Variants in GDA observed in about 807,000 individuals in gnomAD.
The protein encoded by GDA is guanine deaminase.
In GDA, 18 loss-of-function variants were observed where a neutral mutation model predicts 59.6. The ratio of observed to expected loss-of-function variants is 0.30; its 90% confidence interval spans 0.21 to 0.45. GDA has a LOEUF of 0.45. Among genes scored for constraint, GDA ranks in the 20% least tolerant of loss-of-function variants. GDA has a pLI of 1.00. For missense variants in GDA, 427 were observed against 552.3 expected, an observed-to-expected ratio of 0.77 and a Z score of 2.27; for synonymous variants, 201 against 201.1, an observed-to-expected ratio of 1.00 and a Z score of 0.00.
chr9:72,209,801 T>C (rs1201549649), intron 3 of GDA, among the ~76,000 whole-genome samples: 1 of 152,198 alleles, frequency 6.6e-6, no homozygotes, highest in Non-Finnish European at 1.5e-5. Context: ...GACATCTTTC[T>C]TTTAGAGCCA....
chr9:72,138,080 C>T (rs564302227), intron 1 of GDA, among the ~76,000 whole-genome samples: 12 of 152,204 alleles, frequency 7.9e-5, no homozygotes, highest in Admixed American at 2.6e-4. Context: ...ATACATCTGT[C>T]TGCAGCTGCA....
In GDA at chr9:72,170,128, G is replaced by A. The variant is rs558430596; in HGVS notation, c.123+20446G>A. On this transcript the variant is annotated intron_variant, in intron 1 of 13. Transcript: ENST00000358399. The stretch of plus-strand genomic sequence containing the variant: ...CAAAGAAGATCATTTTCTGGTTGCC[G>A]TAAAAATACAACAGTAAAGTTGAAT... Among the ~76,000 whole-genome samples, 19 of 152,266 alleles carry A rather than the reference G, an allele frequency of 1.2e-4. No individual in the cohort carries two copies. The South Asian group carries it at 3.3e-3, about 27-fold the overall frequency.
chr9:72,234,306 G>A (rs1838711195), intron 10 of GDA, among the ~76,000 whole-genome samples: 1 of 152,160 alleles, frequency 6.6e-6, no homozygotes, highest in South Asian at 2.1e-4. Flanking sequence ...TTGCTGGGGT[G>A]ATGGAAATGT....
chr9:72,230,988 T>A (rs1214789026), intron 9 of GDA, 126 bp from the exon 10 acceptor site: 1 of 709,024 alleles, frequency 1.4e-6, no homozygotes, highest in Non-Finnish European at 2.6e-6. Context: ...AATATGTTTG[T>A]GTCAACATTA....
chr9:72,176,384 A>G (rs1167914193), intron 1 of GDA, among the ~76,000 whole-genome samples: 3 of 152,206 alleles, frequency 2.0e-5, no homozygotes, highest in Non-Finnish European at 4.4e-5. Flanking sequence ...CAAGCAAGTC[A>G]CTATGTTTGG....
At chr9:72,139,672 C>T (rs1415405664) in intron 1 of GDA, among the ~76,000 whole-genome samples, 5 of 151,746 alleles carry the variant, frequency 3.3e-5, no homozygotes, top group African/African-American at 1.2e-4. Context: ...AAAAAAAATG[C>T]TCCATTATTC....
At chr9:72,210,826 C>T (rs769012935) in intron 4 of GDA, 52 bp downstream of exon 4, 1 of 1,108,786 alleles carries the variant, frequency 9.0e-7, no homozygotes, top group Non-Finnish European at 1.4e-6. Context: ...ACAGCCAGAC[C>T]ATCGTGGCAA....
At chr9:72,185,771 C>T (rs1831793912) in intron 1 of GDA, among the ~76,000 whole-genome samples, 1 of 152,168 alleles carries the variant, frequency 6.6e-6, no homozygotes, top group South Asian at 2.1e-4. Flanking sequence ...TGTTTGAAGC[C>T]TGTATCTTGC....
chr9:72,178,186 C>T (rs556197872), intron 1 of GDA, among the ~76,000 whole-genome samples: 2 of 152,264 alleles, frequency 1.3e-5, no homozygotes, highest in South Asian at 4.1e-4. Flanking sequence ...TCATGATGCA[C>T]GTCTGTTATG....
Position 72,245,131 on chromosome 9 carries a change from T to G in GDA, c.1136-17T>G, listed in dbSNP as rs1177486492. ...ATGGCTTGCAATCCTGACTGTTTAT[T>G]CACTTGTTCTCAATAGCCCTGGGGC... is the stretch of plus-strand genomic sequence containing the variant. On this transcript the variant is annotated splice_polypyrimidine_tract_variant and intron_variant, in intron 11 of 13. Coordinates refer to ENST00000358399, the MANE Select transcript of GDA (RefSeq NM_004293.5). 2 of 1,613,108 alleles carry G rather than the reference T, an allele frequency of 1.2e-6. No individual in the cohort carries two copies. The highest frequency in any genetic ancestry group is 1.7e-6 in the Non-Finnish European group (2 of 1,179,328).
rs901595354 is a variant in GDA at position 72,135,163 on chromosome 9, CT to C, written c.-100+20340del. Among the ~76,000 whole-genome samples, 101 of 147,524 alleles carry C rather than the reference CT, an allele frequency of 6.8e-4. 1 individual carries two copies. The highest frequency in any genetic ancestry group is 1.4e-3 in the African/African-American group (58 of 40,414). ...ATTTTTACATTCTTACAAATAAGTACTTTTTTTTTTAACCAAAGATGAATTA... is the reference window on the plus strand; with the variant it reads ...ATTTTTACATTCTTACAAATAAGTACTTTTTTTTTAACCAAAGATGAATTA... On this transcript the variant is annotated intron_variant, in intron 1 of 13. Coordinates refer to the GDA transcript ENST00000545168.
intron 2 of GDA, among the ~76,000 whole-genome samples, chr9:72,201,172 G>A (rs1265906567): frequency 6.6e-6 from 1 of 150,620 alleles, no homozygotes; most frequent in Non-Finnish European, 1.5e-5. Context: ...TTTTACATAA[G>A]GGGAAACTGA....
chr9:72,241,037 T>G, intron 10 of GDA, 115 bp from the exon 11 acceptor site: 1 of 646,052 alleles, frequency 1.5e-6, no homozygotes. Context: ...AGTTAAGAGC[T>G]TTTTAAAAAA....
intron 1 of GDA, among the ~76,000 whole-genome samples, chr9:72,115,662 A>G (rs1825411870): frequency 6.6e-6 from 1 of 152,230 alleles, no homozygotes; most frequent in East Asian, 1.9e-4. Flanking sequence ...TGTAGAAACT[A>G]CGCCTTATTG....
chr9:72,185,839 C>T (rs1014410274), intron 1 of GDA, among the ~76,000 whole-genome samples: 1 of 152,016 alleles, frequency 6.6e-6, no homozygotes, highest in Non-Finnish European at 1.5e-5. Flanking sequence ...TTTAGTATTC[C>T]CGACATTCTC....
upstream of GDA, among the ~76,000 whole-genome samples, chr9:72,146,047 G>A (rs980893006): frequency 6.7e-6 from 1 of 148,834 alleles, no homozygotes; most frequent in African/African-American, 2.5e-5. Flanking sequence ...GATGAGTAAT[G>A]GAACAATTAC....
chr9:72,133,899 G>A (rs143473007), intron 1 of GDA, among the ~76,000 whole-genome samples: 125 of 152,296 alleles, frequency 8.2e-4, no homozygotes, highest in African/African-American at 2.9e-3. Context: ...TGGAATTTGA[G>A]CTATCACAGG....
At chr9:72,228,440 G>A (rs972034096) in intron 9 of GDA, 1 of 188,686 alleles carries the variant, frequency 5.3e-6, no homozygotes, top group Admixed American at 5.8e-5. Context: ...AATGCACTAT[G>A]ATGTATGTTA....
At chr9:72,182,297 T>C (rs1479504292) in intron 1 of GDA, among the ~76,000 whole-genome samples, 1 of 152,240 alleles carries the variant, frequency 6.6e-6, no homozygotes, top group Non-Finnish European at 1.5e-5. Flanking sequence ...CATTTATGTA[T>C]CACATTCCTT....
Sources: allele counts gnomAD v4.1 joint callset (sites outside exome capture counted in the v4.1 genomes callset), GRCh38; gene constraint gnomAD v4.1.1; transcripts MANE v1.5; gene names NCBI Gene and HGNC (gene_info 2026-07-23, HGNC 2026-07-21).